Variants in APC observed in about 807,000 individuals in gnomAD.
APC encodes the protein APC regulator of Wnt signaling pathway.
APC carries 72 observed loss-of-function variants against 247.0 expected under a neutral mutation model. The observed-to-expected ratio is 0.29, with a 90% CI of 0.24 to 0.35. The LOEUF is 0.35. Among genes scored for constraint, APC ranks in the 10% least tolerant of loss-of-function variants. The probability of loss-of-function intolerance (pLI) is 1.00; values close to 1 mark genes in which losing one functional copy is unlikely to be tolerated. For synonymous variants in APC, 1,254 were observed against 1,162.5 expected (o/e 1.08, Z -1.60); for missense variants, 3,400 against 3,360.7 (o/e 1.01, Z -0.29).
chr5:112,720,845 T>C lies in APC; in HGVS notation c.165+12963T>C, dbSNP rs543023627. Reference sequence around the variant, plus strand: ...CCCCCTTTCCTCTATAATAAGCTGCTCTGGTACAGGCACGTAAAAGTGGAA... The same window carrying C: ...CCCCCTTTCCTCTATAATAAGCTGCCCTGGTACAGGCACGTAAAAGTGGAA... On this transcript the variant is annotated intron_variant, in intron 1 of 13. Transcript: ENST00000507379. Among the ~76,000 whole-genome samples the C allele has an allele frequency of 2.0e-5, 3 of 152,306 alleles. No individual in the cohort carries two copies. In the East Asian group the frequency reaches 5.8e-4, roughly 29 times the overall value.
intron 2 of APC, among the ~76,000 whole-genome samples, chr5:112,766,081 A>G (rs551228289): frequency 5.6e-4 from 86 of 152,282 alleles, no homozygotes; most frequent in Middle Eastern, 6.8e-3. Context: ...TAATGAATGT[A>G]TCTTAAATGT....
chr5:112,722,232 G>C (rs1751520923), intron 1 of APC, among the ~76,000 whole-genome samples: 3 of 151,950 alleles, frequency 2.0e-5, no homozygotes, highest in Admixed American at 6.6e-5. Context: ...TACACTGTTC[G>C]GTTTTGTGAG....
intron 2 of APC, among the ~76,000 whole-genome samples, chr5:112,758,313 GTTTGTTTTTTGTTT>G (rs67638832): frequency 1.3e-5 from 2 of 151,120 alleles, no homozygotes; most frequent in Admixed American, 1.3e-4. Context: ...TTTTTTGTTT[GTTTGTTTTTTGTTT>G]TTTGTTTTTT....
intron 14 of APC, among the ~76,000 whole-genome samples, chr5:112,834,154 C>T (rs559986164): frequency 3.4e-4 from 52 of 150,818 alleles, no homozygotes; most frequent in Non-Finnish European, 7.1e-4. Flanking sequence ...GTTGTCCAGG[C>T]TGGTCTCAAA....
At chr5:112,747,122 C>T (rs545775105) in intron 1 of APC, among the ~76,000 whole-genome samples, 1 of 152,334 alleles carries the variant, frequency 6.6e-6, no homozygotes, top group East Asian at 1.9e-4. Flanking sequence ...AGCCACCACA[C>T]CTGGCCATTA....
At chr5:112,770,590 A>C (rs997574097) in intron 4 of APC, among the ~76,000 whole-genome samples, 1 of 152,058 alleles carries the variant, frequency 6.6e-6, no homozygotes, top group African/African-American at 2.4e-5. Context: ...AAGGTTCTCA[A>C]CTCTCACTGA....
intron 8 of APC, chr5:112,810,109 T>G (rs995198049): frequency 6.6e-6 from 3 of 455,902 alleles, no homozygotes; most frequent in East Asian, 6.9e-5. Flanking sequence ...GAGAGAAAAT[T>G]TATTTCTGTT....
At position 112,843,701 on chromosome 5, in the gene APC, A is replaced by G. The variant is rs730881270; in HGVS notation, c.8107A>G (p.Lys2703Glu). The G allele has an allele frequency of 8.2e-5, 133 of 1,613,976 alleles. No homozygotes were observed. Among genetic ancestry groups the G allele is most frequent in the Non-Finnish European group, 1.1e-4 (132 of 1,179,968 alleles). Residue 2703 changes from lysine to glutamate, a missense_variant, in exon 16 of 16, where the codon AAA (lysine) becomes GAA (glutamate). Physicochemically the swap from Lys to Glu is moderately conservative, Grantham distance 56 (BLOSUM62 1). This residue lies in a region of APC where 1,788 missense variants were observed against 1,649.5 expected (regional missense o/e 1.08). Coordinates refer to ENST00000257430, the MANE Select transcript of APC (RefSeq NM_000038.6). This position sits in a 1 kb window ranked among gnomAD's most constrained non-coding sequence, Gnocchi z 4.8. ...NIKDSKDNQA[K>E]QNVGNGSVPM... ...TAAAGATTCAAAAGATAATCAGGCAAAACAAAATGTGGGTAATGGCAGTGT... is the reference window on the plus strand; with the variant it reads ...TAAAGATTCAAAAGATAATCAGGCAGAACAAAATGTGGGTAATGGCAGTGT...
intron 1 of APC, among the ~76,000 whole-genome samples, chr5:112,754,559 A>C (rs1754741832): frequency 6.6e-6 from 1 of 152,146 alleles, no homozygotes; most frequent in Non-Finnish European, 1.5e-5. Context: ...AGAATGGGTA[A>C]AATATCTTTA....
intron 1 of APC, among the ~76,000 whole-genome samples, chr5:112,715,495 C>T (rs1298172119): frequency 6.6e-6 from 1 of 152,070 alleles, no homozygotes; most frequent in Non-Finnish European, 1.5e-5. Flanking sequence ...TGGCCTGTAC[C>T]ATTCTTGTCG....
chr5:112,825,158 C>T (rs1763513467), intron 11 of APC, among the ~76,000 whole-genome samples: 1 of 152,124 alleles, frequency 6.6e-6, no homozygotes, highest in South Asian at 2.1e-4. Flanking sequence ...TTCACGATGC[C>T]ATCCTTATCC....
chr5:112,787,360 T>A (rs1275583628), intron 6 of APC, among the ~76,000 whole-genome samples: 2 of 152,208 alleles, frequency 1.3e-5, no homozygotes, highest in African/African-American at 4.8e-5. Flanking sequence ...TCATAAGGTA[T>A]GAGTGTTTTG....
At chr5:112,768,557 C>T (rs532306948) in intron 4 of APC, among the ~76,000 whole-genome samples, 1 of 145,378 alleles carries the variant, frequency 6.9e-6, no homozygotes, top group South Asian at 2.2e-4. Flanking sequence ...TTGTACATTT[C>T]ATGGGGTACA....
At chr5:112,832,825 A>G (rs1229651991) in intron 14 of APC, among the ~76,000 whole-genome samples, 1 of 152,134 alleles carries the variant, frequency 6.6e-6, no homozygotes, top group Non-Finnish European at 1.5e-5. Context: ...ACTTTGTTTC[A>G]TGTATATTTT....
intron 6 of APC, among the ~76,000 whole-genome samples, chr5:112,788,150 G>A (rs961631380): frequency 6.6e-6 from 1 of 152,080 alleles, no homozygotes; most frequent in Non-Finnish European, 1.5e-5. Flanking sequence ...GTCCACTTTA[G>A]CTTCTCCATG....
intron 8 of APC, among the ~76,000 whole-genome samples, chr5:112,808,054 C>A (rs1182500950): frequency 6.6e-6 from 1 of 152,132 alleles, no homozygotes; most frequent in Non-Finnish European, 1.5e-5. Flanking sequence ...ACTCGGGAAG[C>A]TGAGGCAGGA....
rs747902870 is a variant in APC at position 112,844,918 on chromosome 5, A to T, written c.*792A>T. On this transcript the variant is annotated 3_prime_UTR_variant, in exon 16 of 16. Transcript: ENST00000257430. The stretch of plus-strand genomic sequence containing the variant: ...ATGGCTGCTCTTTTATTAATGAGAC[A>T]TGAATTGTGTCTCAACAGAAACTAA... 4.3e-6 allele frequency: 1 copy of T among 232,580 alleles called. No individual in the cohort carries two copies. The highest frequency in any genetic ancestry group is 1.8e-4 in the South Asian group (1 of 5,522). The allele number at this position is 232,580 out of a possible 1,614,324, so 14.4% of individuals were successfully genotyped here. A position where few individuals can be genotyped will look rare whatever the true frequency, so the allele number is the denominator to read the frequency against.
At chr5:112,830,103 G>A (rs1297993351) in intron 14 of APC, 1 of 151,612 alleles carries the variant, frequency 6.6e-6, no homozygotes, top group East Asian at 1.9e-4. Context: ...TTTTTTTTTG[G>A]TTTAGTTATG....
At chr5:112,790,090 G>A (rs1399208664) in intron 6 of APC, among the ~76,000 whole-genome samples, 3 of 151,956 alleles carry the variant, frequency 2.0e-5, no homozygotes, top group African/African-American at 7.3e-5. Flanking sequence ...AAACTCCTGA[G>A]CTTAAGCAGT....
Sources: allele counts gnomAD v4.1 joint callset (sites outside exome capture counted in the v4.1 genomes callset), GRCh38; gene constraint gnomAD v4.1.1; regional missense constraint gnomAD v4.1.1; non-coding constraint Gnocchi (gnomAD v3.1); transcripts MANE v1.5; gene names NCBI Gene and HGNC (gene_info 2026-07-23, HGNC 2026-07-21).